Variants in ARHGAP26 observed in about 807,000 individuals in gnomAD.
ARHGAP26 encodes Rho GTPase activating protein 26, also known as rho GTPase-activating protein 26.
A neutral mutation model predicts 104.8 loss-of-function variants in ARHGAP26; 38 were observed. The ratio of observed to expected loss-of-function variants is 0.36; its 90% CI spans 0.28 to 0.48. ARHGAP26 has a LOEUF of 0.48. ARHGAP26 is among the 20% of genes least tolerant of loss of function. The pLI is 0.99. For missense variants in ARHGAP26, 704 were observed against 947.9 expected (o/e 0.74, Z 3.38); for synonymous variants, 341 against 340.0 (o/e 1.00, Z -0.03).
chr5:143,216,856 G>A (rs78764418), intron 22 of ARHGAP26: 77 of 152,932 alleles, frequency 5.0e-4, no homozygotes, highest in South Asian at 2.5e-3. Context: ...TCTCAATTGG[G>A]TTAGCTCAAA....
At chr5:142,992,638 A>T (rs750540110) in intron 11 of ARHGAP26, among the ~76,000 whole-genome samples, 2 of 152,004 alleles carry the variant, frequency 1.3e-5, no homozygotes, top group Non-Finnish European at 2.9e-5. Flanking sequence ...CATGTTAGCC[A>T]GGATGGTCTC....
intron 11 of ARHGAP26, among the ~76,000 whole-genome samples, chr5:142,994,276 A>G (rs1440435383): frequency 6.6e-6 from 1 of 152,238 alleles, no homozygotes; most frequent in African/African-American, 2.4e-5. Flanking sequence ...TTGGCAAGAA[A>G]TATGGCAACA....
At chr5:142,881,652 C>G (rs1757019819) in intron 4 of ARHGAP26, among the ~76,000 whole-genome samples, 1 of 152,084 alleles carries the variant, frequency 6.6e-6, no homozygotes, top group Non-Finnish European at 1.5e-5. Flanking sequence ...GCATGTCCTC[C>G]TTTGCATCAC....
intron 11 of ARHGAP26, among the ~76,000 whole-genome samples, chr5:142,954,071 C>T (rs904294780): frequency 6.6e-6 from 1 of 152,144 alleles, no homozygotes; most frequent in African/African-American, 2.4e-5. Context: ...CGTTTTTAAG[C>T]GAGAGCTGTA....
chr5:143,009,843 G>A lies in ARHGAP26; in HGVS notation c.1108-4237G>A, dbSNP rs117084726. 3.3e-3 allele frequency among the ~76,000 whole-genome samples: 500 copies of A among 152,342 alleles called. 17 individuals carry two copies. In the East Asian group the frequency reaches 0.056, roughly 17 times the overall value. On this transcript the variant is annotated intron_variant, in intron 11 of 22. Coordinates refer to ENST00000645722, the MANE Select transcript of ARHGAP26 (RefSeq NM_001135608.3). ...TCAGATAGAGCTTAGCTTCAGTTGGGTTGTTGAAGGTGCATTAACTGTTTC... is the reference window on the plus strand; with the variant it reads ...TCAGATAGAGCTTAGCTTCAGTTGGATTGTTGAAGGTGCATTAACTGTTTC...
At chr5:142,930,501 T>C (rs1764551701) in intron 10 of ARHGAP26, among the ~76,000 whole-genome samples, 1 of 152,146 alleles carries the variant, frequency 6.6e-6, no homozygotes, top group African/African-American at 2.4e-5. Flanking sequence ...CAGTGTGACC[T>C]TCATGGGAAT....
At position 143,014,131 on chromosome 5, in the gene ARHGAP26, T is replaced by C; in HGVS notation, c.1144+15T>C. 6.2e-7 allele frequency: 1 copy of C among 1,614,032 alleles called. No individual in the cohort carries two copies. The highest frequency in any genetic ancestry group is 8.5e-7 in the Non-Finnish European group (1 of 1,179,918). On this transcript the variant is annotated intron_variant, in intron 12 of 22. Coordinates refer to ENST00000645722, the MANE Select transcript of ARHGAP26 (RefSeq NM_001135608.3). ...GAGTGAAGGGAGTAAGTACGATGCT[T>C]GGGTAACCTTCTACAGCCAGGGTTG...
At chr5:142,957,468 T>C (rs2152642928) in intron 11 of ARHGAP26, among the ~76,000 whole-genome samples, 1 of 152,322 alleles carries the variant, frequency 6.6e-6, no homozygotes, top group East Asian at 1.9e-4. Context: ...CCATAAGATA[T>C]TGGTCCTCAT....
chr5:142,874,975 G>C, intron 2 of ARHGAP26, 135 bp from the exon 3 acceptor site: 1 of 690,336 alleles, frequency 1.4e-6, no homozygotes, highest in Non-Finnish European at 2.6e-6. Context: ...GATGAAGGGA[G>C]CCTTGGGAAG....
intron 14 of ARHGAP26, among the ~76,000 whole-genome samples, chr5:143,044,594 G>T (rs1446164352): frequency 6.6e-6 from 1 of 151,480 alleles, no homozygotes; most frequent in Non-Finnish European, 1.5e-5. Flanking sequence ...GTGGACAGTT[G>T]GGGTGGGGAC....
Position 142,814,492 on chromosome 5 carries a change from A to G in ARHGAP26, c.154+43577A>G, listed in dbSNP as rs544150633. ...GTTTTGAAAGAGACCTGGAACAGGA[A>G]GGGAGCTGACATGAGAAGTTCCACT... On this transcript the variant is annotated intron_variant, in intron 1 of 22. Transcript: ENST00000645722. Among the ~76,000 whole-genome samples the G allele has an allele frequency of 2.0e-5, 3 of 152,342 alleles. No homozygotes were observed. In the East Asian group the frequency reaches 5.8e-4, roughly 29 times the overall value.
intron 1 of ARHGAP26, among the ~76,000 whole-genome samples, chr5:142,821,418 A>G (rs1387981037): frequency 6.8e-6 from 1 of 146,030 alleles, no homozygotes; most frequent in East Asian, 2.0e-4. Context: ...GTGTATTCCC[A>G]TACCTGCAAG....
chr5:143,012,546 TAC>T lies in ARHGAP26; in HGVS notation c.1108-1532_1108-1531del, dbSNP rs1391320343. 6.3e-3 allele frequency among the ~76,000 whole-genome samples: 364 copies of T among 58,106 alleles called. 116 individuals carry two copies. The highest frequency in any genetic ancestry group is 0.013 in the Non-Finnish European group (278 of 21,764). The allele number at this position is 58,106 out of a possible 152,430, so 38.1% of individuals were successfully genotyped here. On this transcript the variant is annotated intron_variant, in intron 11 of 22. Transcript: ENST00000645722. ...CACTGGAGGGATATATTTATATACA[TAC>T]ATACATATATATATATATATATATA...
At chr5:142,887,653 G>C (rs1757910718) in intron 5 of ARHGAP26, among the ~76,000 whole-genome samples, 1 of 152,186 alleles carries the variant, frequency 6.6e-6, no homozygotes, top group South Asian at 2.1e-4. Flanking sequence ...TTGGGTTCCA[G>C]ATCTTGCAGG....
chr5:142,938,778 T>A (rs762668122), intron 11 of ARHGAP26, among the ~76,000 whole-genome samples: 31 of 152,192 alleles, frequency 2.0e-4, no homozygotes, highest in Non-Finnish European at 4.0e-4. Context: ...TGATTAGTGG[T>A]GTCTTTCTGC....
intron 9 of ARHGAP26, among the ~76,000 whole-genome samples, chr5:142,911,909 A>G (rs1292770277): frequency 6.6e-6 from 1 of 152,252 alleles, no homozygotes; most frequent in Non-Finnish European, 1.5e-5. Context: ...GACAATAGGT[A>G]TAAGGCCTGT....
At chr5:143,058,487 A>T (rs907302069) in intron 17 of ARHGAP26, among the ~76,000 whole-genome samples, 1 of 152,224 alleles carries the variant, frequency 6.6e-6, no homozygotes, top group Non-Finnish European at 1.5e-5. Context: ...TGCTGCATTC[A>T]TCACTACTTG....
intron 17 of ARHGAP26, among the ~76,000 whole-genome samples, chr5:143,102,206 C>G (rs1793352102): frequency 6.6e-6 from 1 of 152,136 alleles, no homozygotes; most frequent in South Asian, 2.1e-4. Flanking sequence ...GGAGACTGCT[C>G]TGCTCCAGCC....
intron 20 of ARHGAP26, among the ~76,000 whole-genome samples, chr5:143,200,393 A>C (rs1299980933): frequency 2.0e-5 from 3 of 152,246 alleles, no homozygotes; most frequent in African/African-American, 7.2e-5. Context: ...TGTGAGTTGC[A>C]ATGCTATTTA....
Sources: gnomAD v4.1 joint callset for allele counts (sites outside exome capture counted in the v4.1 genomes callset) on GRCh38, gnomAD v4.1.1 for gene constraint, MANE v1.5 for transcripts, NCBI Gene and HGNC (gene_info 2026-07-23, HGNC 2026-07-21) for gene names.